The following VPS13B variants were observed in gnomAD, a reference collection of about 807,000 sequenced individuals.
VPS13B encodes vacuolar protein sorting 13 homolog B.
VPS13B carries 285 observed loss-of-function variants against 426.4 expected under a neutral mutation model. That is an observed-to-expected ratio of 0.67 (90% CI 0.61 to 0.74). The LOEUF is 0.74. VPS13B is among the 30% of genes least tolerant of loss of function. The pLI is 0.00. For synonymous variants in VPS13B, 1,676 were observed against 1,676.4 expected, an observed-to-expected ratio of 1.00 and a Z score of 0.01; for missense variants, 4,537 against 4,782.6, an observed-to-expected ratio of 0.95 and a Z score of 1.51.
At chr8:99,644,015 T>C (rs1829477561) in intron 34 of VPS13B, among the ~76,000 whole-genome samples, 1 of 152,200 alleles carries the variant, frequency 6.6e-6, no homozygotes, top group Non-Finnish European at 1.5e-5. Flanking sequence ...TCTCAGCCCT[T>C]CATTAAGTTC....
At chr8:99,858,348 C>T (rs954272438) in intron 56 of VPS13B, among the ~76,000 whole-genome samples, 17 of 152,244 alleles carry the variant, frequency 1.1e-4, no homozygotes, top group Non-Finnish European at 2.1e-4. Flanking sequence ...GGGGCAGCAG[C>T]GGCTGAGTGG....
At chr8:99,438,940 T>G (rs1193668312) in intron 22 of VPS13B, among the ~76,000 whole-genome samples, 3 of 152,172 alleles carry the variant, frequency 2.0e-5, no homozygotes, top group Non-Finnish European at 2.9e-5. Flanking sequence ...AGACTTGGTG[T>G]TGTTTGTTGA....
At chr8:99,425,799 A>G (rs1271280882) in intron 21 of VPS13B, among the ~76,000 whole-genome samples, 1 of 152,160 alleles carries the variant, frequency 6.6e-6, no homozygotes, top group Non-Finnish European at 1.5e-5. Context: ...ATATCTAGAA[A>G]ACCCCATCAT....
Position 99,875,555 on chromosome 8 carries a change from C to T in VPS13B, c.11883C>T (p.Pro3961=). 6.2e-7 allele frequency: 1 copy of T among 1,614,140 alleles called. No homozygotes were observed. ...GCCCTGTGGTGGCTGCAGAACCTCC[C>T]CCCTCCACTGTTAAAACATACCATT... ...IPCPVVAAEP[P]PSTVKTYHYL... The change falls in exon 62 of 62, where the codon CCC becomes CCT. Residue 3961 remains proline (P), a synonymous_variant. Transcript: ENST00000357162.
chr8:99,788,960 G>C (rs748780053), intron 43 of VPS13B, among the ~76,000 whole-genome samples: 1 of 152,104 alleles, frequency 6.6e-6, no homozygotes. Context: ...CAGAAATTGA[G>C]AAATGACAGA....
intron 2 of VPS13B, among the ~76,000 whole-genome samples, chr8:99,016,333 C>T (rs1256335607): frequency 6.6e-6 from 1 of 152,164 alleles, no homozygotes; most frequent in Non-Finnish European, 1.5e-5. Context: ...TCCAGTCTTA[C>T]CAACAACTTA....
At chr8:99,516,431 A>C (rs1420418167) in intron 29 of VPS13B, among the ~76,000 whole-genome samples, 1 of 152,202 alleles carries the variant, frequency 6.6e-6, no homozygotes, top group Non-Finnish European at 1.5e-5. Flanking sequence ...AGAGTATACT[A>C]TTCATTTTAT....
chr8:99,225,976 G>A (rs886565790), intron 17 of VPS13B, among the ~76,000 whole-genome samples: 10 of 151,300 alleles, frequency 6.6e-5, no homozygotes, highest in Admixed American at 1.3e-4. Context: ...ACAGAGTCTC[G>A]CTCTGTCGCC....
At position 99,689,727 on chromosome 8, in the gene VPS13B, A is replaced by G. The variant is rs1029253220; in HGVS notation, c.6047-9798A>G. Among the ~76,000 whole-genome samples the G allele has an allele frequency of 9.9e-5, 15 of 152,210 alleles. 1 individual carries two copies. The highest frequency in any genetic ancestry group is 1.9e-4 in the African/African-American group (8 of 41,452). ...TTTTTTCTGTGTCCCTGGGACCACAATGGTGCCTGAGATATGAGGGTAGCA... is the reference window on the plus strand; with the variant it reads ...TTTTTTCTGTGTCCCTGGGACCACAGTGGTGCCTGAGATATGAGGGTAGCA... On this transcript the variant is annotated intron_variant, in intron 35 of 61. Coordinates refer to ENST00000357162, the MANE Select transcript of VPS13B (RefSeq NM_152564.5).
intron 16 of VPS13B, among the ~76,000 whole-genome samples, chr8:99,189,290 A>G (rs1171217801): frequency 1.3e-5 from 2 of 152,212 alleles, no homozygotes; most frequent in Non-Finnish European, 2.9e-5. Flanking sequence ...TGTGCACATA[A>G]ATTGACTATG....
chr8:99,513,944 C>T (rs569638366), intron 29 of VPS13B, among the ~76,000 whole-genome samples: 7 of 152,166 alleles, frequency 4.6e-5, no homozygotes, highest in Non-Finnish European at 1.0e-4. Flanking sequence ...AAAATTTGCT[C>T]ATTTGTCTTA....
chr8:99,166,215 G>A (rs533768413), intron 15 of VPS13B, among the ~76,000 whole-genome samples: 3 of 152,146 alleles, frequency 2.0e-5, no homozygotes, highest in South Asian at 2.1e-4. Flanking sequence ...TCCTGAGCTC[G>A]TGATCCACCC....
intron 33 of VPS13B, among the ~76,000 whole-genome samples, chr8:99,596,365 AT>A (rs1480805864): frequency 6.6e-6 from 1 of 151,996 alleles, no homozygotes; most frequent in East Asian, 1.9e-4. Flanking sequence ...GGGTTAGAAC[AT>A]TTCACTTGGA....
intron 39 of VPS13B, among the ~76,000 whole-genome samples, chr8:99,763,182 T>C (rs1811036378): frequency 6.9e-6 from 1 of 145,494 alleles, no homozygotes; most frequent in Non-Finnish European, 1.5e-5. Flanking sequence ...AAAAATTAAT[T>C]TGCCCAAGAA....
At chr8:99,400,540 T>G (rs1814976388) in intron 21 of VPS13B, among the ~76,000 whole-genome samples, 1 of 152,252 alleles carries the variant, frequency 6.6e-6, no homozygotes, top group East Asian at 1.9e-4. Context: ...ACTATATGTA[T>G]CACTATTTAA....
intron 30 of VPS13B, among the ~76,000 whole-genome samples, chr8:99,537,512 C>T (rs1823318842): frequency 6.6e-6 from 1 of 152,152 alleles, no homozygotes. Context: ...TTACATTATG[C>T]AGTTACAGTA....
chr8:99,642,494 T>C lies in VPS13B; in HGVS notation c.5904T>C (p.Cys1968=), dbSNP rs773156709. The C allele has an allele frequency of 3.1e-6, 5 of 1,611,670 alleles. No individual in the cohort carries two copies. Among genetic ancestry groups the C allele is most frequent in the Admixed American group, 1.7e-5 (1 of 59,800 alleles). Residue 1968 remains cysteine, a synonymous_variant, in exon 34 of 62, where the codon TGT becomes TGC. Coordinates refer to ENST00000357162, the MANE Select transcript of VPS13B (RefSeq NM_152564.5). Reference sequence around the variant, plus strand: ...AAGGGGTGGCCTCTGATTACAAATGTATAGGTAAGAACCTTCAAACTTACT... The same window carrying C: ...AAGGGGTGGCCTCTGATTACAAATGCATAGGTAAGAACCTTCAAACTTACT... ...VLKGVASDYK[C]IDPGKTLPEA... is the part of the protein sequence containing the mutation.
At chr8:99,301,505 G>T (rs1220556528) in intron 19 of VPS13B, among the ~76,000 whole-genome samples, 2 of 151,876 alleles carry the variant, frequency 1.3e-5, no homozygotes, top group African/African-American at 2.4e-5. Context: ...GGTCAGGCTG[G>T]TCTCCAACTC....
chr8:99,614,187 T>G (rs890975777), intron 33 of VPS13B: 3 of 152,160 alleles, frequency 2.0e-5, no homozygotes, highest in African/African-American at 7.2e-5. Context: ...TGGCAGATTA[T>G]GTAGGCTACT....
Sources: allele counts gnomAD v4.1 joint callset (sites outside exome capture counted in the v4.1 genomes callset), GRCh38; gene constraint gnomAD v4.1.1; transcripts MANE v1.5; gene names NCBI Gene and HGNC (gene_info 2026-07-23, HGNC 2026-07-21).